CPM: variants seen among roughly 807,000 people sequenced by gnomAD.
CPM encodes the protein carboxypeptidase M.
CPM carries 35 observed loss-of-function variants against 46.4 expected under a neutral mutation model. The observed-to-expected ratio is 0.75, with a 90% confidence interval of 0.58 to 1.00. The LOEUF is 1.00. Ranked by LOEUF, CPM falls within the 50% of genes least tolerant of loss-of-function variation. The pLI is 0.00. For synonymous variants in CPM, 195 were observed against 195.3 expected, an observed-to-expected ratio of 1.00 and a Z score of 0.01; for missense variants, 422 against 530.4, an observed-to-expected ratio of 0.80 and a Z score of 2.01.
At chr12:68,916,850 T>C (rs1328840142) in intron 2 of CPM, among the ~76,000 whole-genome samples, 1 of 143,302 alleles carries the variant, frequency 7.0e-6, no homozygotes, top group Non-Finnish European at 1.5e-5. Flanking sequence ...ATCGCACCAT[T>C]GCACTCCAGC....
chr12:68,962,177 G>A (rs1889131393), intron 1 of CPM, among the ~76,000 whole-genome samples: 1 of 144,506 alleles, frequency 6.9e-6, no homozygotes, highest in African/African-American at 2.7e-5. Flanking sequence ...TCCAGCCTGG[G>A]CGACAGAGCG....
Position 68,871,957 on chromosome 12 carries a change from CTA to C in CPM, c.259-3_259-2del. 1 of 1,613,970 alleles carries C rather than the reference CTA, an allele frequency of 6.2e-7. No homozygotes were observed. Among genetic ancestry groups the C allele is most frequent in the Non-Finnish European group, 8.5e-7 (1 of 1,180,002 alleles). ...GGAGCAGCAGCTCCCGCCCAACAGT[CTA>C]TATGTGTTAAAGAGAAAAGAGGACA... is the stretch of plus-strand genomic sequence containing the variant. On this transcript the variant is annotated splice_acceptor_variant and splice_polypyrimidine_tract_variant and intron_variant, in intron 3 of 8. Coordinates refer to ENST00000551568, the MANE Select transcript of CPM (RefSeq NM_198320.5). LOFTEE classifies it high-confidence loss of function.
At chr12:68,869,183 T>C (rs1885582486) in intron 6 of CPM, 142 bp downstream of exon 6, 2 of 658,060 alleles carry the variant, frequency 3.0e-6, no homozygotes, top group Non-Finnish European at 5.1e-6. Flanking sequence ...TCTCCACTGC[T>C]CTTATGATAT....
downstream of CPM, among the ~76,000 whole-genome samples, chr12:68,851,015 C>G (rs1884647149): frequency 6.6e-6 from 1 of 151,974 alleles, no homozygotes; most frequent in Non-Finnish European, 1.5e-5. Flanking sequence ...GAAGAACTAT[C>G]TGGACTTTGA....
At chr12:68,930,635 ACCACTAG>A (rs1336137006) in intron 2 of CPM, among the ~76,000 whole-genome samples, 4 of 152,216 alleles carry the variant, frequency 2.6e-5, no homozygotes, top group Non-Finnish European at 5.9e-5. Flanking sequence ...CAAATATTTA[ACCACTAG>A]TGTCAGATTT....
intron 1 of CPM, among the ~76,000 whole-genome samples, chr12:68,961,378 C>T (rs960205382): frequency 2.3e-4 from 35 of 152,212 alleles, no homozygotes; most frequent in East Asian, 7.7e-4. Context: ...CTCCTGGGCT[C>T]GAGTGGTCCA....
intron 2 of CPM, chr12:68,911,926 T>C (rs1887611864): frequency 6.6e-6 from 1 of 152,200 alleles, no homozygotes; most frequent in Non-Finnish European, 1.5e-5. Flanking sequence ...TATTATAGTG[T>C]TACAGCTCTT....
chr12:68,940,916 T>G (rs1027303703), intron 1 of CPM, among the ~76,000 whole-genome samples: 2 of 152,186 alleles, frequency 1.3e-5, no homozygotes. Context: ...ATGCACACTG[T>G]TGTGCAATAG....
At chr12:68,932,995 T>C in intron 1 of CPM, 147 bp downstream of exon 1, 1 of 631,468 alleles carries the variant, frequency 1.6e-6, no homozygotes, top group South Asian at 2.1e-5. Context: ...CCTTCGGGAG[T>C]GAGCCGTGCA....
At chr12:68,957,052 A>G (rs1889032112) in intron 1 of CPM, among the ~76,000 whole-genome samples, 2 of 152,164 alleles carry the variant, frequency 1.3e-5, no homozygotes, top group Non-Finnish European at 2.9e-5. Context: ...CCATCACCAG[A>G]CAATCAGCAG....
chr12:68,927,908 G>T (rs1211271647), intron 2 of CPM, among the ~76,000 whole-genome samples: 1 of 152,178 alleles, frequency 6.6e-6, no homozygotes, highest in Non-Finnish European at 1.5e-5. Context: ...ATGCTCATGG[G>T]TAGGAAGAAT....
intron 8 of CPM, 56 bp downstream of exon 8, chr12:68,858,867 T>C: frequency 8.9e-7 from 1 of 1,123,890 alleles, no homozygotes; most frequent in Non-Finnish European, 1.2e-6. Context: ...TCTGGGTGAA[T>C]AAGTATTATG....
chr12:68,846,705 A>G (rs1884318769), downstream of CPM: 1 of 152,156 alleles, frequency 6.6e-6, no homozygotes, highest in East Asian at 1.9e-4. Context: ...AGACTTTTAG[A>G]ACACTATGAA....
chr12:68,949,614 T>C (rs1888903974), intron 1 of CPM, among the ~76,000 whole-genome samples: 1 of 152,194 alleles, frequency 6.6e-6, no homozygotes, highest in African/African-American at 2.4e-5. Flanking sequence ...ATTGTTCACA[T>C]AAAGCACTCA....
intron 3 of CPM, among the ~76,000 whole-genome samples, chr12:68,875,078 C>A (rs978072055): frequency 3.9e-5 from 6 of 152,018 alleles, no homozygotes. Flanking sequence ...AGGCCGGGCA[C>A]GGTGGCTCAT....
chr12:68,915,146 A>G (rs1474967672), intron 2 of CPM, among the ~76,000 whole-genome samples: 4 of 152,130 alleles, frequency 2.6e-5, no homozygotes, highest in Admixed American at 1.3e-4. Flanking sequence ...AATATTGCCA[A>G]TTTTAGTGAG....
At chr12:68,938,751 A>C (rs552980024) in intron 1 of CPM, among the ~76,000 whole-genome samples, 57 of 151,872 alleles carry the variant, frequency 3.8e-4, no homozygotes, top group African/African-American at 1.3e-3. Flanking sequence ...ATTAATGAGG[A>C]AACCAGCAGG....
At chr12:68,903,481 C>T (rs1887201848) in intron 2 of CPM, among the ~76,000 whole-genome samples, 1 of 152,188 alleles carries the variant, frequency 6.6e-6, no homozygotes, top group African/African-American at 2.4e-5. Flanking sequence ...TTGGCTTCGA[C>T]AAACTGTATA....
At chr12:68,916,638 C>T (rs1887816078) in intron 2 of CPM, among the ~76,000 whole-genome samples, 1 of 152,220 alleles carries the variant, frequency 6.6e-6, no homozygotes, top group East Asian at 1.9e-4. Context: ...TGCCTGTAAT[C>T]CCAGCACTTT....
Sources: gnomAD v4.1 joint callset for allele counts (sites outside exome capture counted in the v4.1 genomes callset) on GRCh38, gnomAD v4.1.1 for gene constraint, MANE v1.5 for transcripts, NCBI Gene and HGNC (gene_info 2026-07-23, HGNC 2026-07-21) for gene names.